The following CCDC172 variants were observed in gnomAD, a reference collection of about 807,000 sequenced individuals.
The protein encoded by CCDC172 is coiled-coil domain containing 172.
In CCDC172, 30 loss-of-function variants were observed where a neutral mutation model predicts 38.0. That is an observed-to-expected ratio of 0.79 (90% CI 0.59 to 1.07). The LOEUF (loss-of-function observed/expected upper bound fraction) is 1.07, where lower values mean the gene tolerates loss of function less well. Ranked by LOEUF, CCDC172 falls within the 50% of genes least tolerant of loss-of-function variation. The pLI is 0.00. For synonymous variants in CCDC172, 78 were observed against 88.3 expected (o/e 0.88, Z 0.66); for missense variants, 297 against 290.1 (o/e 1.02, Z -0.17).
At position 116,340,837 on chromosome 10, in the gene CCDC172, T is replaced by G; in HGVS notation, c.269T>G (p.Leu90Arg). 1 of 1,545,084 alleles carries G rather than the reference T, an allele frequency of 6.5e-7. No individual in the cohort carries two copies. Among genetic ancestry groups the G allele is most frequent in the South Asian group, 1.1e-5 (1 of 87,720 alleles). The change falls in exon 4 of 9, where the codon CTT (leucine) becomes CGT (arginine). Residue 90 changes from leucine (L) to arginine (R), a missense_variant. Coordinates refer to ENST00000333254, the MANE Select transcript of CCDC172 (RefSeq NM_198515.3). ...YSEITNHRNM[L>R]LQTFEAIKKQ... ...GAAATTACAAACCATAGGAATATGC[T>G]TCTTCAAACCTTTGTAAGTTTCCAG...
intron 7 of CCDC172, among the ~76,000 whole-genome samples, chr10:116,366,620 G>T (rs567502663): frequency 6.6e-5 from 10 of 152,286 alleles, no homozygotes; most frequent in African/African-American, 2.4e-4. Flanking sequence ...TTTGTTTCAA[G>T]ATTTTGGTAT....
At chr10:116,334,830 C>T (rs185045524) in intron 3 of CCDC172, among the ~76,000 whole-genome samples, 30 of 152,106 alleles carry the variant, frequency 2.0e-4, no homozygotes, top group Non-Finnish European at 3.4e-4. Flanking sequence ...TTTATTCTCA[C>T]AGTTTTACTA....
At chr10:116,360,489 A>G (rs1158558824) in intron 7 of CCDC172, among the ~76,000 whole-genome samples, 1 of 152,188 alleles carries the variant, frequency 6.6e-6, no homozygotes, top group Non-Finnish European at 1.5e-5. Context: ...CAAAGACATT[A>G]TGTATTCTAA....
chr10:116,352,117 A>G (rs1844938780), intron 5 of CCDC172, among the ~76,000 whole-genome samples: 1 of 152,224 alleles, frequency 6.6e-6, no homozygotes, highest in Non-Finnish European at 1.5e-5. Context: ...TCTTGTCACA[A>G]TAGAAATATT....
At chr10:116,328,115 A>T (rs1335970790) in intron 3 of CCDC172, among the ~76,000 whole-genome samples, 1 of 152,092 alleles carries the variant, frequency 6.6e-6, no homozygotes, top group African/African-American at 2.4e-5. Flanking sequence ...TTTGGGAAGT[A>T]CAGTATTCAT....
intron 3 of CCDC172, among the ~76,000 whole-genome samples, chr10:116,327,316 A>G (rs945724255): frequency 6.6e-6 from 1 of 152,180 alleles, no homozygotes; most frequent in Non-Finnish European, 1.5e-5. Context: ...ACATTCATGT[A>G]TAATAATATA....
intron 7 of CCDC172, among the ~76,000 whole-genome samples, chr10:116,363,135 A>G (rs970035048): frequency 6.6e-6 from 1 of 152,046 alleles, no homozygotes; most frequent in African/African-American, 2.4e-5. Context: ...TCATTTTCCT[A>G]TGTTTATCTT....
intron 5 of CCDC172, among the ~76,000 whole-genome samples, chr10:116,346,120 C>T (rs1844863455): frequency 6.6e-6 from 1 of 151,828 alleles, no homozygotes; most frequent in African/African-American, 2.4e-5. Flanking sequence ...TAGTGAAACC[C>T]CGTCTCTACT....
chr10:116,368,017 A>G (rs903735671), intron 7 of CCDC172, among the ~76,000 whole-genome samples: 3 of 152,076 alleles, frequency 2.0e-5, no homozygotes, highest in African/African-American at 7.2e-5. Context: ...TTCCTTTGAG[A>G]TTATATGCAA....
At chr10:116,342,280 A>C in intron 5 of CCDC172, 79 bp downstream of exon 5, 1 of 1,335,080 alleles carries the variant, frequency 7.5e-7, no homozygotes. Flanking sequence ...CCAAAAATTT[A>C]ACTTTTTCAT....
At chr10:116,364,140 C>T (rs910549249) in intron 7 of CCDC172, among the ~76,000 whole-genome samples, 2 of 152,052 alleles carry the variant, frequency 1.3e-5, no homozygotes, top group African/African-American at 4.8e-5. Flanking sequence ...ATGGATTAAA[C>T]ACCTACTTTG....
chr10:116,325,854 T>G (rs1844585373), intron 3 of CCDC172, among the ~76,000 whole-genome samples: 1 of 152,202 alleles, frequency 6.6e-6, no homozygotes, highest in Non-Finnish European at 1.5e-5. Context: ...CCTTTTCCAT[T>G]AGCGTTTCTC....
At chr10:116,367,764 G>C (rs181298785) in intron 7 of CCDC172, among the ~76,000 whole-genome samples, 2 of 152,158 alleles carry the variant, frequency 1.3e-5, no homozygotes, top group African/African-American at 2.4e-5. Context: ...TATCTTAATA[G>C]TGTTCATTAT....
intron 7 of CCDC172, among the ~76,000 whole-genome samples, chr10:116,361,764 A>G (rs1845067299): frequency 6.6e-6 from 1 of 152,252 alleles, no homozygotes; most frequent in South Asian, 2.1e-4. Context: ...TAAGTTGGTC[A>G]TAGAGGTCAC....
rs567001126 is a variant in CCDC172 at position 116,339,327 on chromosome 10, C to A, written c.166-1407C>A. Among the ~76,000 whole-genome samples the A allele has an allele frequency of 2.6e-5, 4 of 151,988 alleles. No homozygotes were observed. In the South Asian group the frequency reaches 8.3e-4, roughly 32 times the overall value. On this transcript the variant is annotated intron_variant, in intron 3 of 8. Coordinates refer to ENST00000333254, the MANE Select transcript of CCDC172 (RefSeq NM_198515.3). The stretch of plus-strand genomic sequence containing the variant: ...TAAGGTGTTTAACTTCTCTGGACCT[C>A]ATTTTATTATCATTTACATAATAAG...
At chr10:116,366,852 A>G (rs969216773) in intron 7 of CCDC172, among the ~76,000 whole-genome samples, 4 of 152,180 alleles carry the variant, frequency 2.6e-5, no homozygotes, top group African/African-American at 9.7e-5. Context: ...GTTTTTGCCA[A>G]TCTTGTGGAC....
chr10:116,330,808 A>C (rs1844653747), intron 3 of CCDC172, among the ~76,000 whole-genome samples: 1 of 152,140 alleles, frequency 6.6e-6, no homozygotes, highest in Non-Finnish European at 1.5e-5. Context: ...ACAACAGTTC[A>C]CTGCAACCTC....
intron 5 of CCDC172, among the ~76,000 whole-genome samples, chr10:116,343,058 A>C (rs888850285): frequency 1.3e-5 from 2 of 152,166 alleles, no homozygotes; most frequent in African/African-American, 4.8e-5. Flanking sequence ...GGGTTATTGC[A>C]ATCTTTGATA....
chr10:116,353,826 TGA>T (rs1844961511), intron 5 of CCDC172, among the ~76,000 whole-genome samples: 1 of 152,150 alleles, frequency 6.6e-6, no homozygotes, highest in Non-Finnish European at 1.5e-5. Flanking sequence ...AAGACCACAA[TGA>T]GATACCACTA....
Sources: allele counts gnomAD v4.1 joint callset (sites outside exome capture counted in the v4.1 genomes callset), GRCh38; gene constraint gnomAD v4.1.1; transcripts MANE v1.5; gene names NCBI Gene and HGNC (gene_info 2026-07-23, HGNC 2026-07-21).